The following DLG2 variants were observed in gnomAD, a reference collection of about 807,000 sequenced individuals.
The protein encoded by DLG2 is disks large homolog 2.
DLG2 carries 45 observed loss-of-function variants against 132.5 expected under a neutral mutation model. The ratio of observed to expected loss-of-function variants is 0.34; its 90% confidence interval spans 0.27 to 0.44. The LOEUF (loss-of-function observed/expected upper bound fraction) is 0.44. Ranked by LOEUF, DLG2 falls within the 20% of genes least tolerant of loss-of-function variation. The probability of loss-of-function intolerance (pLI) is 1.00; values close to 1 mark genes in which losing one functional copy is unlikely to be tolerated. For synonymous variants in DLG2, 424 were observed against 419.6 expected, an observed-to-expected ratio of 1.01 and a Z score of -0.13; for missense variants, 1,045 against 1,196.9, an observed-to-expected ratio of 0.87 and a Z score of 1.87.
At chr11:85,504,744 G>A (rs1489590913) in intron 3 of DLG2, among the ~76,000 whole-genome samples, 1 of 152,108 alleles carries the variant, frequency 6.6e-6, no homozygotes, top group Non-Finnish European at 1.5e-5. Flanking sequence ...TTCCAATTCT[G>A]TGAAGAAAGT....
chr11:84,895,591 G>A (rs2090081493), intron 6 of DLG2, among the ~76,000 whole-genome samples: 2 of 152,018 alleles, frequency 1.3e-5, no homozygotes, highest in South Asian at 2.1e-4. Context: ...GTAATTTTGG[G>A]GGCAGTGAGA....
intron 6 of DLG2, among the ~76,000 whole-genome samples, chr11:84,637,734 C>T (rs527803106): frequency 1.3e-5 from 2 of 152,334 alleles, no homozygotes; most frequent in East Asian, 3.9e-4. Flanking sequence ...TGTGATTGAA[C>T]TCTGGTTTAG....
In DLG2 at chr11:84,119,362, C is replaced by T. The variant is rs72951869; in HGVS notation, c.625-20315G>A. Among the ~76,000 whole-genome samples, 1,475 of 152,012 alleles carry T rather than the reference C, an allele frequency of 9.7e-3. 10 individuals carry two copies. Among genetic ancestry groups the T allele is most frequent in the Non-Finnish European group, 0.015 (1,031 of 67,966 alleles). On this transcript the variant is annotated intron_variant, in intron 9 of 27. Transcript: ENST00000376104. ...TGAGTCCAAAAGATTTTAACCACCACGGCAAAGTAGGGGTGGATGAGACCA... is the reference window on the plus strand; with the variant it reads ...TGAGTCCAAAAGATTTTAACCACCATGGCAAAGTAGGGGTGGATGAGACCA...
chr11:83,960,099 TG>T (rs2088133071), intron 14 of DLG2, among the ~76,000 whole-genome samples: 1 of 152,092 alleles, frequency 6.6e-6, no homozygotes, highest in Admixed American at 6.6e-5. Flanking sequence ...CACATTCTTC[TG>T]TGAGTCTGCA....
intron 18 of DLG2, among the ~76,000 whole-genome samples, chr11:83,679,241 T>C (rs1168840464): frequency 1.3e-5 from 2 of 152,126 alleles, no homozygotes; most frequent in Non-Finnish European, 2.9e-5. Flanking sequence ...GGTAGGGTAG[T>C]GAGGAGGATT....
chr11:85,494,944 AAC>A (rs2093638445), intron 3 of DLG2, among the ~76,000 whole-genome samples: 1 of 152,158 alleles, frequency 6.6e-6, no homozygotes, highest in African/African-American at 2.4e-5. Flanking sequence ...TATCCCATTA[AAC>A]AAACAACAAA....
chr11:85,498,682 A>G (rs969631615), intron 3 of DLG2, among the ~76,000 whole-genome samples: 1 of 151,630 alleles, frequency 6.6e-6, no homozygotes, highest in Non-Finnish European at 1.5e-5. Flanking sequence ...AATTGGAAGT[A>G]AAAACACTCC....
chr11:84,548,976 G>A (rs2099396302), intron 6 of DLG2, among the ~76,000 whole-genome samples: 1 of 152,184 alleles, frequency 6.6e-6, no homozygotes, highest in Non-Finnish European at 1.5e-5. Context: ...AAAAGAATTA[G>A]AATATGTAAA....
intron 3 of DLG2, among the ~76,000 whole-genome samples, chr11:85,387,230 T>C (rs2086420037): frequency 6.6e-6 from 1 of 152,190 alleles, no homozygotes; most frequent in South Asian, 2.1e-4. Flanking sequence ...AACATTCCAG[T>C]GCACACCAAT....
chr11:84,715,295 T>C (rs1209323365), intron 6 of DLG2, among the ~76,000 whole-genome samples: 3 of 152,142 alleles, frequency 2.0e-5, no homozygotes, highest in Non-Finnish European at 4.4e-5. Context: ...TACAACATAA[T>C]GTTTTGATAT....
intron 6 of DLG2, chr11:84,545,385 C>A: frequency 1.9e-6 from 1 of 515,736 alleles, no homozygotes; most frequent in Non-Finnish European, 3.7e-6. Flanking sequence ...GCCACCATAT[C>A]CACAACCACC....
rs988131375 is a variant in DLG2 at position 84,543,954 on chromosome 11, C to T, written c.358-9223G>A. 4.6e-5 allele frequency among the ~76,000 whole-genome samples: 7 copies of T among 152,250 alleles called. No homozygotes were observed. In the South Asian group the frequency reaches 1.2e-3, roughly 27 times the overall value. ...CAGAGCTTTGTGTGCTTCCAAGCAA[C>T]GTCAGATATTTTAAACTCTATGTAA... On this transcript the variant is annotated intron_variant, in intron 6 of 27. Coordinates refer to ENST00000376104, the MANE Select transcript of DLG2 (RefSeq NM_001142699.3).
intron 16 of DLG2, among the ~76,000 whole-genome samples, chr11:83,862,268 G>A (rs1182844853): frequency 6.6e-6 from 1 of 152,122 alleles, no homozygotes; most frequent in Non-Finnish European, 1.5e-5. Context: ...CCATAAAAAA[G>A]AATGAGATCC....
chr11:84,339,124 G>A (rs558380060), intron 7 of DLG2, among the ~76,000 whole-genome samples: 44 of 152,140 alleles, frequency 2.9e-4, no homozygotes, highest in Non-Finnish European at 4.7e-4. Context: ...TCTGTATCAC[G>A]ACACTGTTTC....
chr11:85,098,774 T>A (rs2070355050), intron 6 of DLG2, among the ~76,000 whole-genome samples: 1 of 152,160 alleles, frequency 6.6e-6, no homozygotes, highest in South Asian at 2.1e-4. Flanking sequence ...GGTTGATAGG[T>A]TTAGCCAATC....
intron 6 of DLG2, among the ~76,000 whole-genome samples, chr11:84,745,427 TC>T (rs1191341076): frequency 6.6e-6 from 1 of 152,172 alleles, no homozygotes; most frequent in Non-Finnish European, 1.5e-5. Flanking sequence ...CCCTTTCACC[TC>T]CTGCCATGAT....
chr11:85,409,954 T>C (rs2089163844), intron 3 of DLG2, among the ~76,000 whole-genome samples: 1 of 151,836 alleles, frequency 6.6e-6, no homozygotes, highest in African/African-American at 2.4e-5. Context: ...TAACAGGATT[T>C]CATCCTGGAG....
chr11:85,190,995 T>A (rs2152530599), intron 4 of DLG2, among the ~76,000 whole-genome samples: 1 of 152,276 alleles, frequency 6.6e-6, no homozygotes, highest in East Asian at 1.9e-4. Context: ...CCCAGCAATC[T>A]CGTTACTGTC....
chr11:84,937,910 G>C (rs1171002602), intron 6 of DLG2, among the ~76,000 whole-genome samples: 1 of 152,130 alleles, frequency 6.6e-6, no homozygotes, highest in East Asian at 1.9e-4. Context: ...GAGAAACTTA[G>C]AGGTAGGAGG....
Sources: allele counts gnomAD v4.1 joint callset (sites outside exome capture counted in the v4.1 genomes callset), GRCh38; gene constraint gnomAD v4.1.1; transcripts MANE v1.5; gene names NCBI Gene and HGNC (gene_info 2026-07-23, HGNC 2026-07-21).